The following APOO variants were observed in gnomAD, a reference collection of about 807,000 sequenced individuals.
APOO encodes the protein MICOS complex subunit MIC26.
A neutral mutation model predicts 23.1 loss-of-function variants in APOO; 11 were observed. That is an observed-to-expected ratio of 0.48 (90% CI 0.30 to 0.79). The LOEUF is 0.79. Ranked by LOEUF, APOO falls within the 30% of genes least tolerant of loss-of-function variation. The pLI is 0.07. For missense variants in APOO, 160 were observed against 142.7 expected, an observed-to-expected ratio of 1.12 and a Z score of -0.62; for synonymous variants, 59 against 54.8, an observed-to-expected ratio of 1.08 and a Z score of -0.34.
intron 4 of APOO, 124 bp from the exon 5 acceptor site, chrX:23,868,812 G>A (rs1442342571): frequency 2.6e-6 from 1 of 386,476 alleles, no homozygotes; most frequent in Non-Finnish European, 4.4e-6. Flanking sequence ...CATATTCTCT[G>A]CATCCTGCTA....
At chrX:23,907,238 C>G (rs1927400201) in intron 1 of APOO, among the ~76,000 whole-genome samples, 1 of 108,494 alleles carries the variant, frequency 9.2e-6, no homozygotes, top group Admixed American at 9.9e-5. Context: ...GCCATCCCAC[C>G]CCAGCCTCCC....
chrX:23,876,793 G>A (rs774110147), intron 3 of APOO, among the ~76,000 whole-genome samples: 219 of 111,553 alleles, frequency 2.0e-3, no homozygotes, highest in Non-Finnish European at 2.8e-3. Context: ...GCGAGACTCC[G>A]TCTCAAAAAA....
At chrX:23,850,082 AG>A (rs1924462994) in intron 7 of APOO, among the ~76,000 whole-genome samples, 1 of 112,017 alleles carries the variant, frequency 8.9e-6, no homozygotes, top group Non-Finnish European at 1.9e-5. Flanking sequence ...ATGCTGAATT[AG>A]ATACAGATGG....
chrX:23,861,631 C>T (rs1925040188), intron 5 of APOO, among the ~76,000 whole-genome samples: 1 of 105,258 alleles, frequency 9.5e-6, no homozygotes, highest in Non-Finnish European at 1.9e-5. Flanking sequence ...CCATGGATTT[C>T]CTGCTGAGAA....
chrX:23,842,370 C>G (rs886289886), intron 7 of APOO, among the ~76,000 whole-genome samples: 2 of 111,814 alleles, frequency 1.8e-5, no homozygotes, highest in African/African-American at 6.5e-5. Context: ...GTTTGGGCAA[C>G]AGAGTGAGAC....
chrX:23,898,570 C>T (rs980042176), intron 1 of APOO, among the ~76,000 whole-genome samples: 9 of 111,548 alleles, frequency 8.1e-5, no homozygotes, highest in African/African-American at 1.6e-4. Flanking sequence ...AGACTCAATT[C>T]GGTTGATAAC....
chrX:23,843,468 G>A (rs1924087862), intron 7 of APOO, among the ~76,000 whole-genome samples: 1 of 106,110 alleles, frequency 9.4e-6, no homozygotes, highest in Non-Finnish European at 1.9e-5. Context: ...ATTTTTTTTT[G>A]CATTTTCAGA....
intron 3 of APOO, 136 bp downstream of exon 3, chrX:23,878,779 A>C (rs1601922547): frequency 1.2e-6 from 1 of 803,135 alleles, no homozygotes. Flanking sequence ...CCAGACCCCC[A>C]CTACCCTTCC....
At chrX:23,899,294 ACAAT>A (rs1469809212) in intron 1 of APOO, among the ~76,000 whole-genome samples, 1 of 112,650 alleles carries the variant, frequency 8.9e-6, no homozygotes, top group Non-Finnish European at 1.9e-5. Context: ...ATATAGCTTA[ACAAT>A]CAAAGTCATA....
At chrX:23,841,338 T>C (rs1439634869) in intron 7 of APOO, among the ~76,000 whole-genome samples, 1 of 109,879 alleles carries the variant, frequency 9.1e-6, no homozygotes, top group Non-Finnish European at 1.9e-5. Flanking sequence ...ACATAATTAA[T>C]AGTGTCCCCT....
At chrX:23,892,911 TA>T (rs1355821111) in intron 1 of APOO, among the ~76,000 whole-genome samples, 1 of 97,455 alleles carries the variant, frequency 1.0e-5, no homozygotes, top group African/African-American at 3.7e-5. Context: ...ATTTAGGAGG[TA>T]AAAATCTGAA....
intron 1 of APOO, among the ~76,000 whole-genome samples, chrX:23,889,414 T>C (rs1450145520): frequency 9.0e-6 from 1 of 111,143 alleles, no homozygotes; most frequent in Non-Finnish European, 1.9e-5. Flanking sequence ...TAAGTCACCC[T>C]CAGAATTATT....
At position 23,867,456 on chromosome X, in the gene APOO, G is replaced by A. The variant is rs192916444; in HGVS notation, c.388+1137C>T. 1.3e-4 allele frequency among the ~76,000 whole-genome samples: 14 copies of A among 111,601 alleles called. No homozygotes were observed. In the East Asian group the frequency reaches 3.7e-3, roughly 29 times the overall value. On this transcript the variant is annotated intron_variant, in intron 5 of 8. Transcript: ENST00000379226. ...CTGCTCCCCCTTTGCCTTCCACCAC[G>A]ATTGGAAGCTTTCTGAAACCCTCAA...
intron 1 of APOO, among the ~76,000 whole-genome samples, chrX:23,887,967 G>A (rs1433198790): frequency 1.8e-5 from 2 of 112,080 alleles, no homozygotes; most frequent in Non-Finnish European, 3.8e-5. Context: ...AAGACCCATA[G>A]TCACAGAGAA....
chrX:23,840,472 A>C, intron 7 of APOO, 95 bp from the exon 8 acceptor site: 1 of 803,141 alleles, frequency 1.2e-6, no homozygotes, highest in East Asian at 3.5e-5. Context: ...GAACATTAAA[A>C]ATTATTATGG....
At chrX:23,905,409 C>T (rs963527501) in intron 1 of APOO, among the ~76,000 whole-genome samples, 3 of 108,823 alleles carry the variant, frequency 2.8e-5, no homozygotes, top group Admixed American at 9.9e-5. Context: ...ATAATGATAA[C>T]AATAATAATA....
At chrX:23,853,550 C>T (rs1333068477) in intron 7 of APOO, among the ~76,000 whole-genome samples, 7 of 109,930 alleles carry the variant, frequency 6.4e-5, no homozygotes, top group East Asian at 5.7e-4. Context: ...CCTCGTGATC[C>T]GCCCACCTCG....
chrX:23,847,095 A>T (rs984493164), intron 7 of APOO, among the ~76,000 whole-genome samples: 1 of 111,575 alleles, frequency 9.0e-6, no homozygotes, highest in Non-Finnish European at 1.9e-5. Flanking sequence ...ATGCTCAATC[A>T]GGGCAATGTA....
intron 1 of APOO, among the ~76,000 whole-genome samples, chrX:23,894,659 G>C (rs1294425634): frequency 9.1e-6 from 1 of 109,877 alleles, no homozygotes; most frequent in Non-Finnish European, 1.9e-5. Flanking sequence ...AGCCAGGCAT[G>C]GTGGAGTGCG....
Sources: gnomAD v4.1 joint callset for allele counts (sites outside exome capture counted in the v4.1 genomes callset) on GRCh38, gnomAD v4.1.1 for gene constraint, MANE v1.5 for transcripts, NCBI Gene and HGNC (gene_info 2026-07-23, HGNC 2026-07-21) for gene names.